SS18: variants seen among roughly 807,000 people sequenced by gnomAD.
The protein encoded by SS18 is protein SSXT.
Under a neutral mutation model 72.5 loss-of-function variants are expected in SS18, and 28 were observed. The observed-to-expected ratio is 0.39, with a 90% CI of 0.29 to 0.53. The LOEUF (loss-of-function observed/expected upper bound fraction) is 0.53, where lower values mean the gene tolerates loss of function less well. Among genes scored for constraint, SS18 ranks in the 20% least tolerant of loss-of-function variants. The pLI is 0.76. For missense variants in SS18, 518 were observed against 535.3 expected, an observed-to-expected ratio of 0.97 and a Z score of 0.32; for synonymous variants, 172 against 164.2, an observed-to-expected ratio of 1.05 and a Z score of -0.37.
upstream of SS18, chr18:26,090,749 C>G (rs573264754): frequency 1.1e-3 from 707 of 637,250 alleles, 10 homozygotes; most frequent in South Asian, 0.013. Flanking sequence ...AGGGATGTCT[C>G]GCTTCTGCGC....
At chr18:26,062,842 T>C (rs550725933) in intron 3 of SS18, among the ~76,000 whole-genome samples, 1 of 152,210 alleles carries the variant, frequency 6.6e-6, no homozygotes, top group Non-Finnish European at 1.5e-5. Flanking sequence ...TAAATGTGTA[T>C]ACATCTCACA....
chr18:26,037,004 GAA>G (rs369546101), intron 7 of SS18, among the ~76,000 whole-genome samples: 264 of 152,130 alleles, frequency 1.7e-3, no homozygotes, highest in African/African-American at 6.1e-3. Flanking sequence ...GCCCTTTACA[GAA>G]AAAGTTTGCC....
At chr18:26,039,093 T>C (rs561411810) in intron 6 of SS18, among the ~76,000 whole-genome samples, 196 bp downstream of exon 6, 1 of 150,288 alleles carries the variant, frequency 6.7e-6, no homozygotes, top group Admixed American at 6.7e-5. Context: ...GTATAACTTA[T>C]TCCAGAAAAT....
intron 3 of SS18, among the ~76,000 whole-genome samples, chr18:26,077,121 T>C (rs959119287): frequency 6.6e-6 from 1 of 152,028 alleles, no homozygotes; most frequent in Non-Finnish European, 1.5e-5. Flanking sequence ...CAAGCATCAA[T>C]GACCATTAAA....
At position 26,035,690 on chromosome 18, in the gene SS18, T is replaced by C. The variant is rs2053614487; in HGVS notation, c.973+141A>G. 2.2e-6 allele frequency: 1 copy of C among 454,614 alleles called. No homozygotes were observed. The highest frequency in any genetic ancestry group is 3.9e-6 in the Non-Finnish European group (1 of 259,112). 28.2% of individuals were successfully genotyped at this position (454,614 alleles called of 1,614,324 possible). On this transcript the variant is annotated intron_variant, in intron 8 of 10. Coordinates refer to ENST00000415083, the MANE Select transcript of SS18 (RefSeq NM_001007559.3). This position sits in a 1 kb window ranked among gnomAD's most constrained non-coding sequence, Gnocchi z 4.4. ...TTGTAAGGAAATTATTTTGATTGTT[T>C]TGGGCTCCCTGCAACTTTCAAGAAA... is the stretch of plus-strand genomic sequence containing the variant.
intron 5 of SS18, among the ~76,000 whole-genome samples, chr18:26,045,025 C>G (rs1322936551): frequency 6.6e-6 from 1 of 152,186 alleles, no homozygotes; most frequent in African/African-American, 2.4e-5. Context: ...CAAATCCGCT[C>G]TACCTTCAAA....
intron 10 of SS18, among the ~76,000 whole-genome samples, chr18:26,024,789 A>ACCTT: frequency 6.6e-6 from 1 of 152,164 alleles, no homozygotes; most frequent in South Asian, 2.1e-4. Context: ...CAAATAGAAA[A>ACCTT]AATAAAGATG....
intron 10 of SS18, among the ~76,000 whole-genome samples, chr18:26,026,641 C>A (rs2053451008): frequency 6.6e-6 from 1 of 151,766 alleles, no homozygotes. Flanking sequence ...TTGAGGCAAG[C>A]AGGAGGGTGG....
intron 3 of SS18, among the ~76,000 whole-genome samples, chr18:26,076,503 T>C (rs1213672593): frequency 6.6e-6 from 1 of 151,752 alleles, no homozygotes; most frequent in Non-Finnish European, 1.5e-5. Flanking sequence ...TTCACGAAAA[T>C]AAATTCTACC....
At chr18:26,054,455 A>C (rs1364555090) in intron 4 of SS18, among the ~76,000 whole-genome samples, 1 of 152,146 alleles carries the variant, frequency 6.6e-6, no homozygotes, top group African/African-American at 2.4e-5. Flanking sequence ...ATATATTTTT[A>C]CAGCAAATTC....
chr18:26,075,910 A>G (rs769912548), intron 3 of SS18, among the ~76,000 whole-genome samples: 1 of 151,946 alleles, frequency 6.6e-6, no homozygotes, highest in Non-Finnish European at 1.5e-5. Context: ...CCATGTAAAC[A>G]GCAAATGCAG....
rs111302854 is a variant in SS18, at chr18:26,039,201, C to T, written c.775+88G>A. 1,797 of 583,396 alleles carry T rather than the reference C, an allele frequency of 3.1e-3. 4 individuals are homozygous for T. Among genetic ancestry groups the T allele is most frequent in the Non-Finnish European group, 4.0e-3 (1,555 of 385,696 alleles). 36.1% of individuals were successfully genotyped at this position (583,396 alleles called of 1,614,324 possible). Reference sequence around the variant, plus strand: ...AAAAAAAAAAAAAAAAAAAAGAAAACGCCCTGACTTTGTCTAGATTAAAAG... The same window carrying T: ...AAAAAAAAAAAAAAAAAAAAGAAAATGCCCTGACTTTGTCTAGATTAAAAG... On this transcript the variant is annotated intron_variant, in intron 6 of 10. Coordinates refer to ENST00000415083, the MANE Select transcript of SS18 (RefSeq NM_001007559.3).
At chr18:26,036,728 T>A (rs1374804092) in intron 7 of SS18, among the ~76,000 whole-genome samples, 1 of 152,148 alleles carries the variant, frequency 6.6e-6, no homozygotes, top group Non-Finnish European at 1.5e-5. Flanking sequence ...GACACAGGAA[T>A]AAAATTACAA....
At chr18:26,057,472 G>T in intron 4 of SS18, 117 bp downstream of exon 4, 1 of 1,173,090 alleles carries the variant, frequency 8.5e-7, no homozygotes, top group Non-Finnish European at 1.2e-6. Context: ...AAGAGAGCTT[G>T]TACTCGGGGG....
At chr18:26,090,648 G>A (rs1347684549), upstream of SS18, 12 of 1,419,534 alleles carry the variant, frequency 8.5e-6, no homozygotes, top group Admixed American at 2.0e-5. Flanking sequence ...CCGGCCTCTC[G>A]GGCTGAACCA....
chr18:26,048,187 T>C (rs2053862800), intron 5 of SS18, among the ~76,000 whole-genome samples: 1 of 152,250 alleles, frequency 6.6e-6, no homozygotes, highest in Non-Finnish European at 1.5e-5. Flanking sequence ...GCAACCTTTA[T>C]TGAAAACAAT....
chr18:26,041,860 T>A (rs1046495733), intron 5 of SS18, among the ~76,000 whole-genome samples: 2 of 152,210 alleles, frequency 1.3e-5, no homozygotes, highest in South Asian at 4.1e-4. Context: ...TTGTGCTTTA[T>A]CTTTTGGGAC....
At chr18:26,072,056 AAC>A (rs1482926608) in intron 3 of SS18, among the ~76,000 whole-genome samples, 1 of 152,166 alleles carries the variant, frequency 6.6e-6, no homozygotes, top group African/African-American at 2.4e-5. Flanking sequence ...TGATCTAATG[AAC>A]ACTGACTTCA....
In SS18 at chr18:26,035,102, T is replaced by C. The variant is rs2053605116; in HGVS notation, c.999A>G (p.Gln333=). ...EGGNSQYGQQ[Q]DAYQGPPPQQ... ...GTGGAGGTGGTCCCTGGTATGCATC[T>C]TGCTGTTGGCCATACTGTGAATTTC... is the stretch of plus-strand genomic sequence containing the variant. The change falls in exon 9 of 11, where the codon CAA becomes CAG. Residue 333 remains glutamine, a synonymous_variant. Coordinates refer to ENST00000415083, the MANE Select transcript of SS18 (RefSeq NM_001007559.3). This position sits in a 1 kb window ranked among gnomAD's most constrained non-coding sequence, Gnocchi z 4.4. The C allele has an allele frequency of 1.2e-6, 2 of 1,613,510 alleles. No homozygotes were observed. The highest frequency in any genetic ancestry group is 2.2e-5 in the East Asian group (1 of 44,846).
Sources: gnomAD v4.1 joint callset for allele counts (sites outside exome capture counted in the v4.1 genomes callset) on GRCh38, gnomAD v4.1.1 for gene constraint, Gnocchi (gnomAD v3.1) non-coding constraint, MANE v1.5 for transcripts, NCBI Gene and HGNC (gene_info 2026-07-23, HGNC 2026-07-21) for gene names.